CDK15: variants seen among roughly 807,000 people sequenced by gnomAD.
The protein encoded by CDK15 is cyclin-dependent kinase 15.
Under a neutral mutation model 60.3 loss-of-function variants are expected in CDK15, and 62 were observed. The observed-to-expected ratio is 1.03, with a 90% CI of 0.84 to 1.27. CDK15 has a LOEUF of 1.27. CDK15 is among the 50% of genes most tolerant of loss of function. The pLI is 0.00. For synonymous variants in CDK15, 194 were observed against 195.7 expected (o/e 0.99, Z 0.07); for missense variants, 541 against 527.8 (o/e 1.03, Z -0.25).
chr2:201,877,227 CA>C (rs944155565), intron 11 of CDK15, among the ~76,000 whole-genome samples: 2 of 152,178 alleles, frequency 1.3e-5, no homozygotes, highest in Non-Finnish European at 2.9e-5. Flanking sequence ...CATGCTAACA[CA>C]AGTTTAAAAC....
At chr2:201,827,085 T>G (rs1696541362) in intron 6 of CDK15, among the ~76,000 whole-genome samples, 1 of 152,216 alleles carries the variant, frequency 6.6e-6, no homozygotes. Flanking sequence ...AATATATTAG[T>G]GAAACAGCAT....
chr2:201,890,078 T>G (rs1486574289), intron 12 of CDK15, among the ~76,000 whole-genome samples: 1 of 150,578 alleles, frequency 6.6e-6, no homozygotes, highest in Non-Finnish European at 1.5e-5. Context: ...AAAAAAAGAT[T>G]GCCTAATGTA....
At chr2:201,888,958 A>G in intron 12 of CDK15, 1 of 986,698 alleles carries the variant, frequency 1.0e-6, no homozygotes, top group Non-Finnish European at 1.2e-6. Context: ...AGAAAGTAGA[A>G]TACAAAATTG....
chr2:201,857,838 C>G (rs1028269161), intron 10 of CDK15, among the ~76,000 whole-genome samples: 1 of 152,128 alleles, frequency 6.6e-6, no homozygotes, highest in Non-Finnish European at 1.5e-5. Context: ...TGAGCCACCC[C>G]CTACCCATCC....
At chr2:201,836,036 T>TTTATATATATTTATATATATA (rs1559126042) in intron 8 of CDK15, among the ~76,000 whole-genome samples, 1 of 76,138 alleles carries the variant, frequency 1.3e-5, no homozygotes, top group Non-Finnish European at 2.4e-5. Flanking sequence ...TTATATATAT[T>TTTATATATATTTATATATATA]TTATATATAT....
At chr2:201,845,266 A>G (rs965269205) in intron 8 of CDK15, among the ~76,000 whole-genome samples, 4 of 152,242 alleles carry the variant, frequency 2.6e-5, no homozygotes, top group African/African-American at 7.2e-5. Context: ...AGAACAAGCC[A>G]GTCAGTTAAG....
intron 6 of CDK15, among the ~76,000 whole-genome samples, chr2:201,830,699 A>T (rs973182005): frequency 1.3e-5 from 2 of 152,212 alleles, no homozygotes. Flanking sequence ...ACAGAGAGGG[A>T]TTGAGAGTTC....
chr2:201,806,656 T>G lies in CDK15; in HGVS notation c.-9T>G. ...CAAGTGCGGGTTTTCTCCTTGAACC[T>G]ACAAGATTATGGGTCAAGAGCTGTG... On this transcript the variant is annotated 5_prime_UTR_variant, in exon 1 of 14. Transcript: ENST00000652192. 6.3e-7 allele frequency: 1 copy of G among 1,583,426 alleles called. No individual in the cohort carries two copies. The highest frequency in any genetic ancestry group is 8.5e-7 in the Non-Finnish European group (1 of 1,170,300).
intron 6 of CDK15, among the ~76,000 whole-genome samples, chr2:201,827,459 A>G (rs1421312593): frequency 6.6e-6 from 1 of 152,176 alleles, no homozygotes; most frequent in Non-Finnish European, 1.5e-5. Flanking sequence ...AAAGAAAGAA[A>G]TGTGGATTTT....
At chr2:201,836,800 G>GA (rs779259853) in intron 8 of CDK15, among the ~76,000 whole-genome samples, 5,353 of 131,884 alleles carry the variant, frequency 0.041, 282 homozygotes, top group African/African-American at 0.13. Context: ...CCTGGTTTAG[G>GA]AAAAAAAAAA....
intron 12 of CDK15, among the ~76,000 whole-genome samples, chr2:201,889,966 T>C (rs1312673472): frequency 1.3e-5 from 2 of 151,152 alleles, no homozygotes; most frequent in African/African-American, 4.9e-5. Flanking sequence ...GGAGAATCAC[T>C]TGAACCCAGG....
At chr2:201,860,456 G>A (rs1201895903) in intron 10 of CDK15, among the ~76,000 whole-genome samples, 1 of 152,222 alleles carries the variant, frequency 6.6e-6, no homozygotes. Flanking sequence ...AGGGTCCACA[G>A]AGGCCTTCAA....
chr2:201,812,038 G>A (rs906774170), intron 3 of CDK15, among the ~76,000 whole-genome samples: 1 of 151,924 alleles, frequency 6.6e-6, no homozygotes, highest in Non-Finnish European at 1.5e-5. Flanking sequence ...GCCAGGTGTG[G>A]TGGGGGTCCC....
At position 201,882,105 on chromosome 2, in the gene CDK15, C is replaced by T. The variant is rs919605305; in HGVS notation, c.1198+1938C>T. Among the ~76,000 whole-genome samples the T allele has an allele frequency of 6.6e-6, 1 of 152,096 alleles. No individual in the cohort carries two copies. Among genetic ancestry groups the T allele is most frequent in the Non-Finnish European group, 1.5e-5 (1 of 68,038 alleles). ...GTTAGAAACTTGGGTTTTGATTTTT[C>T]CTGGCTGACCCAAAAGCAAAGCCAC... On this transcript the variant is annotated intron_variant, in intron 12 of 13. Transcript: ENST00000652192. This position sits in a 1 kb window ranked among gnomAD's most constrained non-coding sequence, Gnocchi z 4.0.
chr2:201,865,577 A>G (rs1248505033), intron 10 of CDK15, among the ~76,000 whole-genome samples: 1 of 152,158 alleles, frequency 6.6e-6, no homozygotes, highest in Non-Finnish European at 1.5e-5. Context: ...CATCCTGATG[A>G]TGCTCAAAGG....
intron 6 of CDK15, among the ~76,000 whole-genome samples, chr2:201,828,803 G>A (rs371613708): frequency 1.3e-5 from 2 of 152,208 alleles, no homozygotes; most frequent in South Asian, 2.1e-4. Flanking sequence ...AATCTTTCTG[G>A]GTTTTGCATA....
rs868064727 is a variant in CDK15 at position 201,863,519 on chromosome 2, T to C, written c.1009+8582T>C. On this transcript the variant is annotated intron_variant, in intron 10 of 13. Transcript: ENST00000652192. The stretch of plus-strand genomic sequence containing the variant: ...GCTCAAACCAGAGCCTCCTTCTCCA[T>C]GTTTATGGCCAGTGCTTTGCACCAT... Among the ~76,000 whole-genome samples the C allele has an allele frequency of 2.0e-5, 3 of 152,184 alleles. No individual in the cohort carries two copies. In the South Asian group the frequency reaches 6.2e-4, roughly 32 times the overall value.
chr2:201,823,062 C>T (rs1696304359), intron 5 of CDK15, among the ~76,000 whole-genome samples, 159 bp downstream of exon 5: 1 of 152,196 alleles, frequency 6.6e-6, no homozygotes, highest in African/African-American at 2.4e-5. Flanking sequence ...ATTGTTCCCA[C>T]ATCCATCTTT....
intron 12 of CDK15, chr2:201,889,502 C>A: frequency 1.2e-6 from 1 of 843,058 alleles, no homozygotes; most frequent in Non-Finnish European, 1.4e-6. Context: ...AGCAATCTGC[C>A]AGGAAGTTTT....
Sources: gnomAD v4.1 joint callset for allele counts (sites outside exome capture counted in the v4.1 genomes callset) on GRCh38, gnomAD v4.1.1 for gene constraint, Gnocchi (gnomAD v3.1) non-coding constraint, MANE v1.5 for transcripts, NCBI Gene and HGNC (gene_info 2026-07-23, HGNC 2026-07-21) for gene names.